Variants in JAKMIP3 observed in about 807,000 individuals in gnomAD.
The protein encoded by JAKMIP3 is Janus kinase and microtubule interacting protein 3.
JAKMIP3 carries 58 observed loss-of-function variants against 118.5 expected under a neutral mutation model. The ratio of observed to expected loss-of-function variants is 0.49; its 90% CI spans 0.40 to 0.61. JAKMIP3 has a LOEUF of 0.61. Ranked by LOEUF, JAKMIP3 falls within the 20% of genes least tolerant of loss-of-function variation. The pLI is 0.00. For missense variants in JAKMIP3, 950 were observed against 1,109.0 expected (o/e 0.86, Z 2.04); for synonymous variants, 486 against 451.2 (o/e 1.08, Z -0.98).
chr10:132,106,993 C>G (rs2046006780), intron 2 of JAKMIP3, among the ~76,000 whole-genome samples: 2 of 152,104 alleles, frequency 1.3e-5, no homozygotes, highest in African/African-American at 4.8e-5. Context: ...AAGCAATCCT[C>G]TCACCTCAGC....
chr10:132,143,455 C>T (rs1346344476), intron 11 of JAKMIP3, among the ~76,000 whole-genome samples: 1 of 152,026 alleles, frequency 6.6e-6, no homozygotes, highest in East Asian at 1.9e-4. Flanking sequence ...TTTTTCCTGT[C>T]GGGTGCCAGA....
rs963668115 is a variant in JAKMIP3, at chr10:132,049,234, T to A, written c.-138+12496T>A. ...CCGTGGATTCGGGTCTGTTTCTATGTAGGGACGGTCTTCCGGGAGCACAGC... is the reference window on the plus strand; with the variant it reads ...CCGTGGATTCGGGTCTGTTTCTATGAAGGGACGGTCTTCCGGGAGCACAGC... On this transcript the variant is annotated intron_variant, in intron 1 of 23. Transcript: ENST00000657785. The surrounding 1 kb of genome is among the most constrained non-coding windows in gnomAD (Gnocchi z 4.3). 7.9e-5 allele frequency among the ~76,000 whole-genome samples: 12 copies of A among 152,194 alleles called. No homozygotes were observed. The highest frequency in any genetic ancestry group is 2.9e-4 in the African/African-American group (12 of 41,462).
intron 1 of JAKMIP3, among the ~76,000 whole-genome samples, chr10:132,043,243 C>T (rs1294316586): frequency 1.3e-5 from 2 of 152,116 alleles, no homozygotes; most frequent in Middle Eastern, 3.2e-3. Flanking sequence ...CTCACTCTGT[C>T]ACCCAGGCTG....
At position 132,069,407 on chromosome 10, in the gene JAKMIP3, TG is replaced by T. The variant is rs1388870169; in HGVS notation, c.-138+3349del. The stretch of plus-strand genomic sequence containing the variant: ...CAGTACTATCCTGATGGTGGTGGGG[TG>T]GGTCTGAGCAGGAAGGGGCCTGGAA... On this transcript the variant is annotated intron_variant, in intron 1 of 23. Coordinates refer to ENST00000684848, the MANE Select transcript of JAKMIP3 (RefSeq NM_001323087.2). 3.3e-5 allele frequency among the ~76,000 whole-genome samples: 5 copies of T among 151,880 alleles called. No homozygotes were observed. The East Asian group carries it at 9.7e-4, about 30-fold the overall frequency.
At chr10:132,147,769 T>C (rs151054806) in intron 13 of JAKMIP3, among the ~76,000 whole-genome samples, 183 bp from the exon 14 acceptor site, 5 of 152,360 alleles carry the variant, frequency 3.3e-5, no homozygotes, top group African/African-American at 1.2e-4. Flanking sequence ...ACCGGATGGC[T>C]AGGCTATCTC....
intron 19 of JAKMIP3, among the ~76,000 whole-genome samples, chr10:132,155,643 G>T (rs2057003210): frequency 1.3e-5 from 2 of 152,246 alleles, no homozygotes. Context: ...AGCTCAGCTG[G>T]TAACCACTAG....
At chr10:132,159,721 G>GA (rs2057743061) in intron 19 of JAKMIP3, among the ~76,000 whole-genome samples, 1 of 115,212 alleles carries the variant, frequency 8.7e-6, no homozygotes, top group African/African-American at 3.4e-5. Flanking sequence ...TGATGCTGGG[G>GA]GCATGTCTTC....
chr10:132,063,947 T>C (rs1040480128), upstream of JAKMIP3, among the ~76,000 whole-genome samples: 1 of 152,214 alleles, frequency 6.6e-6, no homozygotes, highest in Non-Finnish European at 1.5e-5. Flanking sequence ...AAACAAATAA[T>C]GTGATCATAC....
Position 132,044,186 on chromosome 10 carries a change from C to T in JAKMIP3, c.-138+7448C>T, listed in dbSNP as rs972381933. On this transcript the variant is annotated intron_variant, in intron 1 of 23. Transcript: ENST00000657785. This position sits in a 1 kb window ranked among gnomAD's most constrained non-coding sequence, Gnocchi z 5.3. ...CTGGGCCCTCAGCTGCCCTTAGGGC[C>T]GCCCTTCCAGGTGGCTCGCCACAGC... Among the ~76,000 whole-genome samples the T allele has an allele frequency of 7.9e-5, 12 of 152,346 alleles. No homozygotes were observed. Among genetic ancestry groups the T allele is most frequent in the African/African-American group, 2.2e-4 (9 of 41,580 alleles).
chr10:132,045,486 T>C (rs2379213), intron 1 of JAKMIP3, among the ~76,000 whole-genome samples: 252 of 152,194 alleles, frequency 1.7e-3, no homozygotes, highest in African/African-American at 5.6e-3. Context: ...GAAGGGCACA[T>C]GTGGTTGTGC....
intron 1 of JAKMIP3, among the ~76,000 whole-genome samples, chr10:132,095,225 C>CCA (rs1373892502): frequency 2.6e-5 from 4 of 152,212 alleles, no homozygotes; most frequent in Non-Finnish European, 4.4e-5. Context: ...ACACCCTCCC[C>CCA]CAAGTTCTGG....
intron 19 of JAKMIP3, among the ~76,000 whole-genome samples, chr10:132,159,400 T>G (rs1490846094): frequency 1.2e-5 from 1 of 81,842 alleles, no homozygotes; most frequent in African/African-American, 4.8e-5. Flanking sequence ...TGTGTCTTAC[T>G]GAGGGGGCCT....
At chr10:132,139,417 T>TGTGC (rs1564949008) in intron 9 of JAKMIP3, among the ~76,000 whole-genome samples, 1 of 90,090 alleles carries the variant, frequency 1.1e-5, no homozygotes, top group African/African-American at 3.9e-5. Context: ...TATGTGTGAG[T>TGTGC]GTGTGTGTGT....
chr10:132,057,602 C>T (rs993756711), intron 1 of JAKMIP3, among the ~76,000 whole-genome samples: 3 of 152,224 alleles, frequency 2.0e-5, no homozygotes, highest in Non-Finnish European at 2.9e-5. Flanking sequence ...ACGAGGCTGG[C>T]GATTCCTGTC....
chr10:132,167,629 G>A (rs1041545666), intron 22 of JAKMIP3, among the ~76,000 whole-genome samples: 4 of 152,168 alleles, frequency 2.6e-5, no homozygotes, highest in African/African-American at 7.2e-5. Context: ...CAAGTAGGAC[G>A]TCACATCATT....
chr10:132,142,503 T>TC (rs2053731689), intron 11 of JAKMIP3, among the ~76,000 whole-genome samples: 1 of 151,956 alleles, frequency 6.6e-6, no homozygotes, highest in African/African-American at 2.4e-5. Flanking sequence ...CCGGCCCCTC[T>TC]CCCCCGGCCT....
At chr10:132,062,474 G>A (rs1050580826), upstream of JAKMIP3, among the ~76,000 whole-genome samples, 1 of 152,200 alleles carries the variant, frequency 6.6e-6, no homozygotes, top group African/African-American at 2.4e-5. Context: ...TCAGCCAGGA[G>A]GAGGTGGGAA....
At chr10:132,150,858 A>G (rs1341858195) in intron 16 of JAKMIP3, among the ~76,000 whole-genome samples, 10 of 151,858 alleles carry the variant, frequency 6.6e-5, no homozygotes, top group Admixed American at 3.3e-4. Flanking sequence ...TCCATAATCC[A>G]TCTATCCATC....
At chr10:132,150,740 C>T (rs1176242768) in intron 16 of JAKMIP3, among the ~76,000 whole-genome samples, 1 of 152,024 alleles carries the variant, frequency 6.6e-6, no homozygotes, top group Non-Finnish European at 1.5e-5. Context: ...ATCCGTCCTC[C>T]ATAATCCATG....
Sources: allele counts gnomAD v4.1 joint callset (sites outside exome capture counted in the v4.1 genomes callset), GRCh38; gene constraint gnomAD v4.1.1; non-coding constraint Gnocchi (gnomAD v3.1); transcripts MANE v1.5; gene names NCBI Gene and HGNC (gene_info 2026-07-23, HGNC 2026-07-21).